The following MRPS9 variants were observed in gnomAD, a reference collection of about 807,000 sequenced individuals.
MRPS9 encodes mitochondrial ribosomal protein S9.
A neutral mutation model predicts 59.9 loss-of-function variants in MRPS9; 45 were observed. The observed-to-expected ratio is 0.75, with a 90% CI of 0.59 to 0.96. The LOEUF (loss-of-function observed/expected upper bound fraction) is 0.96. Ranked by LOEUF, MRPS9 falls within the 40% of genes least tolerant of loss-of-function variation. The pLI, the probability that MRPS9 is intolerant of heterozygous loss-of-function variation, is 0.00. For synonymous variants in MRPS9, 171 were observed against 166.8 expected (o/e 1.03, Z -0.19); for missense variants, 473 against 481.1 (o/e 0.98, Z 0.16).
chr2:105,054,421 G>C (rs949688395), intron 2 of MRPS9, among the ~76,000 whole-genome samples: 4 of 152,164 alleles, frequency 2.6e-5, no homozygotes, highest in Non-Finnish European at 5.9e-5. Context: ...CCTGTAGGTT[G>C]ATATTGTCTC....
intron 5 of MRPS9, among the ~76,000 whole-genome samples, chr2:105,087,787 C>G (rs1238161295): frequency 6.8e-6 from 1 of 147,248 alleles, no homozygotes; most frequent in African/African-American, 2.5e-5. Context: ...CTCCCTCCCT[C>G]CCTCCTGCCT....
At chr2:105,044,740 A>T (rs1339931039) in intron 1 of MRPS9, among the ~76,000 whole-genome samples, 1 of 152,166 alleles carries the variant, frequency 6.6e-6, no homozygotes, top group Non-Finnish European at 1.5e-5. Flanking sequence ...AATAATCGAG[A>T]CTCTTTTGCT....
rs1440212724 is a variant in MRPS9 at position 105,093,640 on chromosome 2, T to A, written c.929+2T>A. The A allele has an allele frequency of 1.3e-6, 2 of 1,556,958 alleles. No individual in the cohort carries two copies. Reference sequence around the variant, plus strand: ...TTACTTCCCGATCACACAGGACAGGTTCGTTTTGGGTTCTGATTTTTTGTT... The same window carrying A: ...TTACTTCCCGATCACACAGGACAGGATCGTTTTGGGTTCTGATTTTTTGTT... On this transcript the variant is annotated splice_donor_variant, in intron 9 of 10. Transcript: ENST00000258455. LOFTEE classifies it high-confidence loss of function.
chr2:105,041,502 C>G (rs186065507), intron 1 of MRPS9, among the ~76,000 whole-genome samples: 214 of 150,546 alleles, frequency 1.4e-3, no homozygotes, highest in African/African-American at 5.1e-3. Flanking sequence ...ACTGTAAACA[C>G]ATTCCTGTCT....
chr2:105,091,640 T>G (rs1680561192), intron 7 of MRPS9, among the ~76,000 whole-genome samples: 1 of 152,168 alleles, frequency 6.6e-6, no homozygotes, highest in African/African-American at 2.4e-5. Context: ...TAAATAAGGT[T>G]ATAAAAAACT....
At position 105,049,302 on chromosome 2, in the gene MRPS9, C is replaced by T. The variant is rs1679665983; in HGVS notation, c.267C>T (p.Ala89=). ...EEFNIGKRHL[A]NMMGEDPETF... is the part of the protein sequence containing the mutation. ...TCAACATAGGAAAGAGACATTTAGC[C>T]AACATGATGGGAGAAGATCCAGAAA... Residue 89 remains alanine (A), a synonymous_variant, in exon 2 of 11, where the codon GCC becomes GCT. Coordinates refer to ENST00000258455, the MANE Select transcript of MRPS9 (RefSeq NM_182640.3). The T allele has an allele frequency of 1.2e-6, 2 of 1,612,432 alleles. No individual in the cohort carries two copies. The highest frequency in any genetic ancestry group is 2.7e-5 in the African/African-American group (2 of 74,754).
At chr2:105,074,801 AG>A (rs1286191229) in intron 4 of MRPS9, among the ~76,000 whole-genome samples, 1 of 152,168 alleles carries the variant, frequency 6.6e-6, no homozygotes, top group Non-Finnish European at 1.5e-5. Context: ...CTCAATCAGG[AG>A]AATAGTGGTT....
At chr2:105,038,737 G>A (rs1003615695) in intron 1 of MRPS9, among the ~76,000 whole-genome samples, 1 of 152,218 alleles carries the variant, frequency 6.6e-6, no homozygotes, top group Non-Finnish European at 1.5e-5. Flanking sequence ...AAAGATGCAG[G>A]CCAGAACTTG....
intron 2 of MRPS9, among the ~76,000 whole-genome samples, chr2:105,051,307 T>C (rs954712716): frequency 4.6e-5 from 7 of 152,216 alleles, no homozygotes; most frequent in African/African-American, 1.7e-4. Context: ...AGACTATTTT[T>C]TCCCATTGAA....
intron 1 of MRPS9, among the ~76,000 whole-genome samples, chr2:105,044,402 A>T (rs1207916744): frequency 6.6e-6 from 1 of 152,214 alleles, no homozygotes; most frequent in Admixed American, 6.5e-5. Flanking sequence ...CATTGCTGGA[A>T]TAATTCTGGA....
At chr2:105,060,469 C>T (rs13389614) in intron 2 of MRPS9, among the ~76,000 whole-genome samples, 10,826 of 151,952 alleles carry the variant, frequency 0.071, 536 homozygotes, top group East Asian at 0.27. Context: ...TTAGTAGAGA[C>T]GGGGTTTTAC....
chr2:105,078,103 G>T (rs1352942096), intron 4 of MRPS9, among the ~76,000 whole-genome samples: 1 of 149,876 alleles, frequency 6.7e-6, no homozygotes, highest in Non-Finnish European at 1.5e-5. Flanking sequence ...CAAAGTCCTG[G>T]CAGCACGTGT....
At chr2:105,079,346 TAGCATTC>T (rs2104459810) in intron 4 of MRPS9, among the ~76,000 whole-genome samples, 1 of 152,102 alleles carries the variant, frequency 6.6e-6, no homozygotes, top group African/African-American at 2.4e-5. Context: ...GACACAGAGT[TAGCATTC>T]GTCTTGTTTC....
intron 2 of MRPS9, among the ~76,000 whole-genome samples, chr2:105,069,950 C>T (rs1032860048): frequency 1.3e-5 from 2 of 152,028 alleles, no homozygotes; most frequent in Non-Finnish European, 2.9e-5. Flanking sequence ...GAGGTCAAGG[C>T]TGCAGTGAGC....
chr2:105,099,922 C>A lies in MRPS9; in HGVS notation c.*161C>A. 1 of 494,364 alleles carries A rather than the reference C, an allele frequency of 2.0e-6. No individual in the cohort carries two copies. Among genetic ancestry groups the A allele is most frequent in the South Asian group, 4.5e-5 (1 of 22,038 alleles). The allele number at this position is 494,364 out of a possible 1,614,324, so 30.6% of individuals were successfully genotyped here. On this transcript the variant is annotated 3_prime_UTR_variant, in exon 11 of 11. Coordinates refer to ENST00000258455, the MANE Select transcript of MRPS9 (RefSeq NM_182640.3). ...TTAAATGCTACTTTGTAAAGGTGAC[C>A]TTTAAAAAATAAAAGGAAAATAAAG... is the stretch of plus-strand genomic sequence containing the variant.
At chr2:105,063,596 T>C (rs1016679296) in intron 2 of MRPS9, among the ~76,000 whole-genome samples, 7 of 152,200 alleles carry the variant, frequency 4.6e-5, no homozygotes, top group African/African-American at 1.7e-4. Context: ...TAAAGTAAAA[T>C]ACAATTGCAA....
At chr2:105,060,496 G>T (rs1221510641) in intron 2 of MRPS9, among the ~76,000 whole-genome samples, 1 of 152,070 alleles carries the variant, frequency 6.6e-6, no homozygotes, top group East Asian at 2.0e-4. Context: ...GGTGAGGCTG[G>T]TCTTGAACAC....
chr2:105,041,288 A>T (rs1317603690), intron 1 of MRPS9, among the ~76,000 whole-genome samples: 2 of 152,320 alleles, frequency 1.3e-5, no homozygotes, highest in Non-Finnish European at 2.9e-5. Flanking sequence ...AATAAGGAAA[A>T]ACAAAAGACC....
At chr2:105,088,397 T>C (rs951596596) in intron 5 of MRPS9, among the ~76,000 whole-genome samples, 8 of 152,160 alleles carry the variant, frequency 5.3e-5, no homozygotes, top group South Asian at 4.1e-4. Context: ...TCCATTGTAA[T>C]TTAACAAGTG....
Sources: gnomAD v4.1 joint callset for allele counts (sites outside exome capture counted in the v4.1 genomes callset) on GRCh38, gnomAD v4.1.1 for gene constraint, MANE v1.5 for transcripts, NCBI Gene and HGNC (gene_info 2026-07-23, HGNC 2026-07-21) for gene names.